SPARC: variants seen among roughly 807,000 people sequenced by gnomAD.
SPARC encodes secreted protein acidic and cysteine rich.
Under a neutral mutation model 37.7 loss-of-function variants are expected in SPARC, and 23 were observed. The observed-to-expected ratio is 0.61, with a 90% CI of 0.44 to 0.87. The LOEUF is 0.87. Ranked by LOEUF, SPARC falls within the 40% of genes least tolerant of loss-of-function variation. SPARC has a pLI of 0.00. For synonymous variants in SPARC, 155 were observed against 150.8 expected (o/e 1.03, Z -0.20); for missense variants, 312 against 389.0 (o/e 0.80, Z 1.66).
Position 151,661,970 on chromosome 5 carries a change from A to G in SPARC, c.*1601T>C, listed in dbSNP as rs1038000357. ...TTCATCACACCTGTGACATCTTGCAATTTATATTTGATTGTGTCATTATCT... is the reference window on the plus strand; with the variant it reads ...TTCATCACACCTGTGACATCTTGCAGTTTATATTTGATTGTGTCATTATCT... On this transcript the variant is annotated 3_prime_UTR_variant, in exon 10 of 10. Transcript: ENST00000231061. 2.0e-5 allele frequency: 3 copies of G among 152,172 alleles called. No individual in the cohort carries two copies. Among genetic ancestry groups the G allele is most frequent in the Non-Finnish European group, 2.9e-5 (2 of 68,042 alleles). The allele number at this position is 152,172 out of a possible 1,614,324, so 9.4% of individuals were successfully genotyped here. A position where few individuals can be genotyped will look rare whatever the true frequency, so the allele number is the denominator to read the frequency against.
intron 9 of SPARC, 114 bp from the exon 10 acceptor site, chr5:151,663,713 T>C: frequency 2.0e-6 from 2 of 1,004,788 alleles, no homozygotes; most frequent in East Asian, 2.4e-5. Flanking sequence ...TAGGTGGCCA[T>C]GCAAGGTCAC....
At chr5:151,674,542 C>G (rs1760815057) in intron 3 of SPARC, 70 bp downstream of exon 3, 3 of 1,423,304 alleles carry the variant, frequency 2.1e-6, no homozygotes, top group Non-Finnish European at 3.0e-6. Context: ...CCCACAGCAT[C>G]CGCCCTAATT....
intron 7 of SPARC, among the ~76,000 whole-genome samples, chr5:151,667,209 T>C (rs1760642705): frequency 6.6e-6 from 1 of 152,298 alleles, no homozygotes; most frequent in Middle Eastern, 3.4e-3. Context: ...GAAAAAGGAA[T>C]AGGGCTGTTT....
At chr5:151,678,564 C>T (rs781066222) in intron 1 of SPARC, among the ~76,000 whole-genome samples, 2 of 152,132 alleles carry the variant, frequency 1.3e-5, no homozygotes, top group Non-Finnish European at 2.9e-5. Context: ...GGTTCTTAGT[C>T]CCACTGTCCT....
At position 151,669,648 on chromosome 5, in the gene SPARC, G is replaced by T; in HGVS notation, c.451+16C>A. 6.2e-7 allele frequency: 1 copy of T among 1,613,932 alleles called. No individual in the cohort carries two copies. Among genetic ancestry groups the T allele is most frequent in the African/African-American group, 1.3e-5 (1 of 75,058 alleles). ...CTCCCCAAGACAGGAGTCTGGAAGGGCCCAAGGACACTCACATTTGCAAGG... is the reference window on the plus strand; with the variant it reads ...CTCCCCAAGACAGGAGTCTGGAAGGTCCCAAGGACACTCACATTTGCAAGG... On this transcript the variant is annotated intron_variant, in intron 6 of 9. Coordinates refer to ENST00000231061, the MANE Select transcript of SPARC (RefSeq NM_003118.4).
chr5:151,668,631 A>C (rs531533546), intron 6 of SPARC, among the ~76,000 whole-genome samples: 39 of 152,226 alleles, frequency 2.6e-4, no homozygotes, highest in African/African-American at 9.2e-4. Flanking sequence ...GGCTACCTTC[A>C]TCATCAGCTG....
intron 8 of SPARC, among the ~76,000 whole-genome samples, chr5:151,664,767 T>A (rs1241645170): frequency 6.6e-6 from 1 of 152,140 alleles, no homozygotes; most frequent in Non-Finnish European, 1.5e-5. Flanking sequence ...GGGACTGGGA[T>A]TGGCAGTGAG....
rs1236943917 is a variant in SPARC, at chr5:151,669,841, C to T, written c.331-57G>A. 1.9e-6 allele frequency: 3 copies of T among 1,604,098 alleles called. No homozygotes were observed. In the Admixed American group the frequency reaches 5.0e-5, roughly 27 times the overall value. ...CATTCCCAAAGCCCTTCGCTGATAC[C>T]AATATCCTTGTCCATTTCAGAGATG... On this transcript the variant is annotated intron_variant, in intron 5 of 9. Coordinates refer to ENST00000231061, the MANE Select transcript of SPARC (RefSeq NM_003118.4).
intron 6 of SPARC, 62 bp downstream of exon 6, chr5:151,669,602 T>A (rs2113092734): frequency 6.4e-7 from 1 of 1,568,146 alleles, no homozygotes; most frequent in African/African-American, 1.4e-5. Flanking sequence ...AGAGACAGCA[T>A]CAGTGCCAGC....
intron 7 of SPARC, 74 bp from the exon 8 acceptor site, chr5:151,666,583 CCCA>C: frequency 1.4e-6 from 2 of 1,435,564 alleles, no homozygotes; most frequent in East Asian, 4.6e-5. Context: ...TCCCACCCCT[CCCA>C]GAAGGCCAGA....
At chr5:151,675,385 C>A (rs972820253) in intron 2 of SPARC, among the ~76,000 whole-genome samples, 2 of 152,194 alleles carry the variant, frequency 1.3e-5, no homozygotes, top group African/African-American at 4.8e-5. Flanking sequence ...GATAACTACT[C>A]CTGTCCCTGC....
rs1224411849 is a variant in SPARC, at chr5:151,663,587, T to C, written c.896A>G (p.Lys299Arg). The C allele has an allele frequency of 1.2e-6, 2 of 1,613,952 alleles. No homozygotes were observed. Among genetic ancestry groups the C allele is most frequent in the Non-Finnish European group, 1.7e-6 (2 of 1,179,954 alleles). The change falls in exon 10 of 10, where the codon AAG becomes AGG. Residue 299 changes from lysine (K) to arginine (R), a missense_variant. Physicochemically the swap from Lys to Arg is conservative, Grantham distance 26. Transcript: ENST00000231061. ...CFGIKQKDID[K>R]DLVI ...GGAGTGGATTTAGATCACAAGATCC[T>C]TGTCGATATCCTCTGCAAAGCAAGA...
In SPARC at chr5:151,664,284, A is replaced by G. The variant is rs748415297; in HGVS notation, c.735-49T>C. Reference sequence around the variant, plus strand: ...GGCCTGAGGCATGGAAAAGCTCCACACCCAGCCTTGGGAGGCAACCGGGGA... The same window carrying G: ...GGCCTGAGGCATGGAAAAGCTCCACGCCCAGCCTTGGGAGGCAACCGGGGA... On this transcript the variant is annotated intron_variant, in intron 8 of 9. Transcript: ENST00000231061. 5.1e-6 allele frequency: 8 copies of G among 1,581,462 alleles called. No homozygotes were observed. In the South Asian group the frequency reaches 6.8e-5, roughly 13 times the overall value.
intron 5 of SPARC, among the ~76,000 whole-genome samples, chr5:151,670,937 C>G (rs536658817): frequency 6.6e-6 from 1 of 152,174 alleles, no homozygotes; most frequent in South Asian, 2.1e-4. Flanking sequence ...AGTGCTGGCC[C>G]TAGATTTGCT....
chr5:151,681,337 G>GT (rs961530861), intron 1 of SPARC, among the ~76,000 whole-genome samples: 1 of 152,206 alleles, frequency 6.6e-6, no homozygotes, highest in African/African-American at 2.4e-5. Flanking sequence ...GCCTCATGAC[G>GT]TGGAAGTCAG....
intron 1 of SPARC, among the ~76,000 whole-genome samples, chr5:151,685,422 T>TCTCACACA (rs1216324359): frequency 0.013 from 1,830 of 140,500 alleles, 41 homozygotes; most frequent in African/African-American, 0.046. Flanking sequence ...CCTCTCTCTC[T>TCTCACACA]CACACACACA....
At chr5:151,682,506 C>T (rs1761018970) in intron 1 of SPARC, among the ~76,000 whole-genome samples, 2 of 152,186 alleles carry the variant, frequency 1.3e-5, no homozygotes, top group South Asian at 2.1e-4. Flanking sequence ...CCACCTACCC[C>T]TCCTGCACAT....
chr5:151,671,616 T>C lies in SPARC; in HGVS notation c.287A>G (p.Gln96Arg). The stretch of plus-strand genomic sequence containing the variant: ...GGGGGCTGGGCAGCTGGTGGGGTCC[T>C]GGCACACGCACATGGGGGTGTTGTT... ...DENNTPMCVC[Q>R]DPTSCPAPIG... Residue 96 changes from glutamine to arginine, a missense_variant, in exon 5 of 10, where the codon CAG becomes CGG. Coordinates refer to ENST00000231061, the MANE Select transcript of SPARC (RefSeq NM_003118.4). 1 of 1,603,202 alleles carries C rather than the reference T, an allele frequency of 6.2e-7. No homozygotes were observed. Among genetic ancestry groups the C allele is most frequent in the Non-Finnish European group, 8.5e-7 (1 of 1,174,624 alleles).
At chr5:151,675,099 A>G (rs944138538) in intron 2 of SPARC, among the ~76,000 whole-genome samples, 2 of 152,216 alleles carry the variant, frequency 1.3e-5, no homozygotes, top group Non-Finnish European at 1.5e-5. Context: ...TAGTATTATT[A>G]GGCAATTTTT....
Sources: allele counts gnomAD v4.1 joint callset (sites outside exome capture counted in the v4.1 genomes callset), GRCh38; gene constraint gnomAD v4.1.1; transcripts MANE v1.5; gene names NCBI Gene and HGNC (gene_info 2026-07-23, HGNC 2026-07-21).